SCAMP5: variants seen among roughly 807,000 people sequenced by gnomAD.
SCAMP5 encodes secretory carrier-associated membrane protein 5.
In SCAMP5, 7 loss-of-function variants were observed where a neutral mutation model predicts 28.3. That is an observed-to-expected ratio of 0.25 (90% CI 0.14 to 0.46). SCAMP5 has a LOEUF of 0.46. Ranked by LOEUF, SCAMP5 falls within the 20% of genes least tolerant of loss-of-function variation. The probability of loss-of-function intolerance (pLI) is 0.99; values close to 1 mark genes in which losing one functional copy is unlikely to be tolerated. For missense variants in SCAMP5, 192 were observed against 312.5 expected (o/e 0.61, Z 2.91); for synonymous variants, 117 against 116.4 (o/e 1.00, Z -0.03).
At chr15:75,009,169 G>T (rs1055387336) in intron 1 of SCAMP5, among the ~76,000 whole-genome samples, 21 of 152,038 alleles carry the variant, frequency 1.4e-4, no homozygotes, top group African/African-American at 5.1e-4. Flanking sequence ...AATAGCTGCG[G>T]AACAGTCCAT....
Position 75,004,251 on chromosome 15 carries a change from G to C in SCAMP5, c.-48-7541G>C, listed in dbSNP as rs554041435. On this transcript the variant is annotated intron_variant, in intron 1 of 6. Transcript: ENST00000425597. Reference sequence around the variant, plus strand: ...GATCTTGCGTTATTGCTCACTGAAGGCTCGAACACCTGGGCACAAGTGATC... The same window carrying C: ...GATCTTGCGTTATTGCTCACTGAAGCCTCGAACACCTGGGCACAAGTGATC... Among the ~76,000 whole-genome samples, 224 of 152,130 alleles carry C rather than the reference G, an allele frequency of 1.5e-3. 1 individual carries two copies. Among genetic ancestry groups the C allele is most frequent in the Non-Finnish European group, 2.5e-3 (168 of 67,988 alleles).
rs982855861 is a variant in SCAMP5, at chr15:74,995,615, G to C, written c.-107G>C. 2.7e-5 allele frequency: 4 copies of C among 146,802 alleles called. No individual in the cohort carries two copies. The allele number at this position is 146,802 out of a possible 1,614,324, so 9.1% of individuals were successfully genotyped here. A position where few individuals can be genotyped will look rare whatever the true frequency, so the allele number is the denominator to read the frequency against. The stretch of plus-strand genomic sequence containing the variant: ...CGGCCGGCTCCGCGCCGCATCGCTC[G>C]GGTGCAGCGCAGCTCAGCGCAGCGC... On this transcript the variant is annotated 5_prime_UTR_variant, in exon 1 of 7. Coordinates refer to ENST00000425597, the MANE Select transcript of SCAMP5 (RefSeq NM_138967.4).
At position 75,018,462 on chromosome 15, in the gene SCAMP5, C is replaced by T. The variant is rs779571294; in HGVS notation, c.440C>T (p.Ser147Leu). The T allele has an allele frequency of 1.7e-5, 27 of 1,613,680 alleles. No homozygotes were observed. Among genetic ancestry groups the T allele is most frequent in the Middle Eastern group, 1.6e-4 (1 of 6,080 alleles). Residue 147 changes from serine (S) to leucine (L), a missense_variant, in exon 6 of 7, where the codon TCG becomes TTG. Physicochemically the swap from Ser to Leu is moderately radical, Grantham distance 145 (BLOSUM62 -2). Coordinates refer to ENST00000425597, the MANE Select transcript of SCAMP5 (RefSeq NM_138967.4). This position sits in a 1 kb window ranked among gnomAD's most constrained non-coding sequence, Gnocchi z 5.6. ...TCCTTCTTCGGAACGAACATTGGCT[C>T]GGCGGTGGTGATGCTAATTCCCACT... The part of the protein sequence containing the change: ...TISFFGTNIG[S>L]AVVMLIPTVM...
At position 75,018,717 on chromosome 15, in the gene SCAMP5, G is replaced by C; in HGVS notation, c.514-72G>C. The C allele has an allele frequency of 1.7e-6, 2 of 1,182,178 alleles. No individual in the cohort carries two copies. The highest frequency in any genetic ancestry group is 2.5e-5 in the South Asian group (2 of 78,552). The allele number at this position is 1,182,178 out of a possible 1,614,324, so 73.2% of individuals were successfully genotyped here. Reference sequence around the variant, plus strand: ...GAGCACTGTTTTTTTTTTACAGATGGGTCCCATCTATTTCCTGGATGGGCT... The same window carrying C: ...GAGCACTGTTTTTTTTTTACAGATGCGTCCCATCTATTTCCTGGATGGGCT... On this transcript the variant is annotated intron_variant, in intron 6 of 6. Transcript: ENST00000425597. This position sits in a 1 kb window ranked among gnomAD's most constrained non-coding sequence, Gnocchi z 5.6.
intron 2 of SCAMP5, 50 bp downstream of exon 2, chr15:75,011,896 G>A (rs745843228): frequency 3.3e-5 from 51 of 1,538,284 alleles, no homozygotes; most frequent in African/African-American, 6.8e-5. Context: ...TGAGCATAGC[G>A]TGGATGGCCC....
Position 75,019,289 on chromosome 15 carries a change from T to A in SCAMP5, c.*306T>A. ...GGTCTCTTGTGGTGCTAGATGTGTG[T>A]TTAGAGCTAAACCAGCCCCCACCCC... On this transcript the variant is annotated 3_prime_UTR_variant, in exon 7 of 7. Coordinates refer to ENST00000425597, the MANE Select transcript of SCAMP5 (RefSeq NM_138967.4). 1 of 188,178 alleles carries A rather than the reference T, an allele frequency of 5.3e-6. No homozygotes were observed. Among genetic ancestry groups the A allele is most frequent in the Non-Finnish European group, 1.1e-5 (1 of 92,430 alleles). The allele number at this position is 188,178 out of a possible 1,614,324, so 11.7% of individuals were successfully genotyped here. A position where few individuals can be genotyped will look rare whatever the true frequency, so the allele number is the denominator to read the frequency against.
intron 4 of SCAMP5, among the ~76,000 whole-genome samples, 193 bp downstream of exon 4, chr15:75,016,942 G>C (rs888346749): frequency 6.6e-6 from 1 of 151,990 alleles, no homozygotes; most frequent in African/African-American, 2.4e-5. Flanking sequence ...TGAGAGGGCT[G>C]AGAGTTAGTT....
At chr15:75,002,435 AC>A (rs2065718642) in intron 1 of SCAMP5, among the ~76,000 whole-genome samples, 1 of 150,768 alleles carries the variant, frequency 6.6e-6, no homozygotes, top group South Asian at 2.1e-4. Flanking sequence ...CCCTCTCCCT[AC>A]CCCCATATCC....
At chr15:75,003,908 C>CTT (rs925829013) in intron 1 of SCAMP5, among the ~76,000 whole-genome samples, 1 of 145,800 alleles carries the variant, frequency 6.9e-6, no homozygotes, top group Non-Finnish European at 1.5e-5. Flanking sequence ...TTTATTTTTA[C>CTT]TTTTTTTTTT....
intron 3 of SCAMP5, among the ~76,000 whole-genome samples, chr15:75,015,457 G>C (rs1048742299): frequency 3.3e-5 from 5 of 152,004 alleles, no homozygotes; most frequent in Non-Finnish European, 7.4e-5. Flanking sequence ...GACAGAGGGG[G>C]GGGGGCCTGG....
intron 3 of SCAMP5, 98 bp downstream of exon 3, chr15:75,012,903 T>C: frequency 8.5e-7 from 1 of 1,171,742 alleles, no homozygotes; most frequent in South Asian, 1.3e-5. Context: ...GGCCTGACTG[T>C]CCTTCAGTCC....
rs1350767405 is a variant in SCAMP5, at chr15:75,020,919, T to C, written c.*1936T>C. 1.3e-5 allele frequency: 2 copies of C among 152,198 alleles called. No homozygotes were observed. The highest frequency in any genetic ancestry group is 2.9e-5 in the Non-Finnish European group (2 of 68,038). The allele number at this position is 152,198 out of a possible 1,614,324, so 9.4% of individuals were successfully genotyped here. On this transcript the variant is annotated 3_prime_UTR_variant, in exon 7 of 7. Transcript: ENST00000425597. Reference sequence around the variant, plus strand: ...CTCCCATTTTCTCTCTTGGGAGCAATGGTCACAGTCCCTGGTACCTGAAAA... The same window carrying C: ...CTCCCATTTTCTCTCTTGGGAGCAACGGTCACAGTCCCTGGTACCTGAAAA...
chr15:75,015,461 G>T (rs3751649), intron 3 of SCAMP5, among the ~76,000 whole-genome samples: 5 of 151,866 alleles, frequency 3.3e-5, no homozygotes, highest in African/African-American at 4.8e-5. Context: ...GAGGGGGGGG[G>T]GCCTGGGTCC....
chr15:75,002,084 CA>C (rs1414231781), intron 1 of SCAMP5, among the ~76,000 whole-genome samples: 6 of 151,764 alleles, frequency 4.0e-5, no homozygotes, highest in Admixed American at 2.6e-4. Flanking sequence ...CCAGGCTGGG[CA>C]ATAGAGTGAG....
In SCAMP5 at chr15:75,016,767, T is replaced by C; in HGVS notation, c.293+18T>C. The C allele has an allele frequency of 1.2e-6, 2 of 1,606,570 alleles. No individual in the cohort carries two copies. The highest frequency in any genetic ancestry group is 1.7e-4 in the Middle Eastern group (1 of 6,030). ...GCCTTCAAGTAAGTGGTTGGTGCTA[T>C]CCGCAGTGCCTAGCCGTCTCTGCCC... On this transcript the variant is annotated intron_variant, in intron 4 of 6. Coordinates refer to ENST00000425597, the MANE Select transcript of SCAMP5 (RefSeq NM_138967.4).
At chr15:75,011,882 A>T in intron 2 of SCAMP5, 36 bp downstream of exon 2, 1 of 1,597,596 alleles carries the variant, frequency 6.3e-7, no homozygotes, top group Non-Finnish European at 8.6e-7. Context: ...GTAGGACATG[A>T]CAGTGAGCAT....
intron 1 of SCAMP5, among the ~76,000 whole-genome samples, chr15:75,008,322 T>C (rs904869883): frequency 3.3e-5 from 5 of 152,108 alleles, no homozygotes; most frequent in Non-Finnish European, 7.4e-5. Flanking sequence ...CATTACTTTC[T>C]GGTTGATTCT....
chr15:75,017,112 C>T lies in SCAMP5; in HGVS notation c.293+363C>T, dbSNP rs12595053. ...CCATCCTAGTACCTGTGGGGCTAGC[C>T]GACTTGGTGCCAAGGACACCATCTA... On this transcript the variant is annotated intron_variant, in intron 4 of 6. Coordinates refer to ENST00000425597, the MANE Select transcript of SCAMP5 (RefSeq NM_138967.4). Among the ~76,000 whole-genome samples, 523 of 152,060 alleles carry T rather than the reference C, an allele frequency of 3.4e-3. 14 individuals are homozygous for T. In the East Asian group the frequency reaches 0.06, roughly 17 times the overall value.
intron 1 of SCAMP5, among the ~76,000 whole-genome samples, chr15:75,005,586 C>G (rs906879228): frequency 6.6e-6 from 1 of 152,140 alleles, no homozygotes; most frequent in Non-Finnish European, 1.5e-5. Context: ...ACATTTGTCT[C>G]GTAGAATTTC....
Sources: gnomAD v4.1 joint callset for allele counts (sites outside exome capture counted in the v4.1 genomes callset) on GRCh38, gnomAD v4.1.1 for gene constraint, Gnocchi (gnomAD v3.1) non-coding constraint, MANE v1.5 for transcripts, NCBI Gene and HGNC (gene_info 2026-07-23, HGNC 2026-07-21) for gene names.